DNAH17: variants seen among roughly 807,000 people sequenced by gnomAD.
The protein encoded by DNAH17 is axonemal beta dynein heavy chain 17.
DNAH17 carries 376 observed loss-of-function variants against 485.6 expected under a neutral mutation model. That is an observed-to-expected ratio of 0.77 (90% CI 0.71 to 0.84). The LOEUF is 0.84. Ranked by LOEUF, DNAH17 falls within the 40% of genes least tolerant of loss-of-function variation. The probability of loss-of-function intolerance (pLI) is 0.00; values close to 1 mark genes in which losing one functional copy is unlikely to be tolerated. For missense variants in DNAH17, 6,370 were observed against 5,839.3 expected (o/e 1.09, Z -2.96); for synonymous variants, 3,031 against 2,405.9 (o/e 1.26, Z -7.60).
At chr17:78,569,797 G>A (rs1246339307) in intron 7 of DNAH17, among the ~76,000 whole-genome samples, 1 of 152,236 alleles carries the variant, frequency 6.6e-6, no homozygotes. Context: ...TGCCCTTCTG[G>A]TCCTGCAGAC....
intron 48 of DNAH17, among the ~76,000 whole-genome samples, chr17:78,484,552 C>T (rs967491553): frequency 7.4e-6 from 1 of 135,392 alleles, no homozygotes; most frequent in African/African-American, 2.7e-5. Context: ...ACAGACACCT[C>T]GGTGGAAGGG....
chr17:78,484,739 A>ACCCCCCCACCC, intron 48 of DNAH17, 129 bp downstream of exon 48: 1 of 347,798 alleles, frequency 2.9e-6, no homozygotes, highest in Non-Finnish European at 4.6e-6. Flanking sequence ...ACGTTGCAGC[A>ACCCCCCCACCC]CCCCCCCCAC....
chr17:78,522,735 G>T, intron 25 of DNAH17: 1 of 209,818 alleles, frequency 4.8e-6, no homozygotes, highest in Non-Finnish European at 1.0e-5. Flanking sequence ...CAAAAGAAAG[G>T]ACCAGGCAAA....
chr17:78,562,026 CT>C, intron 11 of DNAH17, 46 bp from the exon 12 acceptor site: 1 of 1,514,514 alleles, frequency 6.6e-7, no homozygotes, highest in East Asian at 2.3e-5. Flanking sequence ...GTCTCCTCCC[CT>C]TCCCCAGCCT....
At chr17:78,495,170 C>CACCT (rs1400336626) in intron 38 of DNAH17, 73 bp from the exon 39 acceptor site, 6 of 1,484,894 alleles carry the variant, frequency 4.0e-6, no homozygotes, top group Non-Finnish European at 4.5e-6. Context: ...TGTCCCTCTT[C>CACCT]ACCTAGGAGA....
At chr17:78,427,424 C>T (rs779566998) in intron 77 of DNAH17, among the ~76,000 whole-genome samples, 10 of 152,194 alleles carry the variant, frequency 6.6e-5, no homozygotes, top group Non-Finnish European at 1.2e-4. Context: ...ATGTAGCCAG[C>T]GGTTGAGGGA....
chr17:78,532,827 C>G (rs2091277741), intron 19 of DNAH17, 91 bp from the exon 20 acceptor site: 1 of 1,397,482 alleles, frequency 7.2e-7, no homozygotes, highest in Non-Finnish European at 9.5e-7. Context: ...AAGTGGTTCT[C>G]TGTTGGCGAA....
At chr17:78,451,963 G>A (rs529232251) in intron 65 of DNAH17, among the ~76,000 whole-genome samples, 177 of 151,972 alleles carry the variant, frequency 1.2e-3, no homozygotes, top group Non-Finnish European at 9.9e-4. Flanking sequence ...AGCCCTGACC[G>A]AAACCTTCTG....
At chr17:78,564,294 C>A (rs1360366999) in intron 11 of DNAH17, among the ~76,000 whole-genome samples, 1 of 152,184 alleles carries the variant, frequency 6.6e-6, no homozygotes, top group Admixed American at 6.5e-5. Flanking sequence ...ATGCAGGTGG[C>A]ACAATCTCCA....
chr17:78,444,499 AG>A, intron 71 of DNAH17, 104 bp downstream of exon 71: 1 of 1,131,334 alleles, frequency 8.8e-7, no homozygotes, highest in Non-Finnish European at 1.2e-6. Context: ...AAAAAAGTTC[AG>A]GGGATCAACT....
intron 56 of DNAH17, among the ~76,000 whole-genome samples, chr17:78,464,007 G>C (rs918501350): frequency 6.6e-6 from 1 of 152,184 alleles, no homozygotes; most frequent in South Asian, 2.1e-4. Context: ...TCTCATAAAT[G>C]AATGCTCTAA....
At chr17:78,483,179 G>A (rs1175466718) in intron 48 of DNAH17, among the ~76,000 whole-genome samples, 1 of 152,216 alleles carries the variant, frequency 6.6e-6, no homozygotes, top group Non-Finnish European at 1.5e-5. Context: ...CCTCCTCAGA[G>A]TGGCAGCTTT....
chr17:78,576,138 A>G (rs1477657177), intron 1 of DNAH17, among the ~76,000 whole-genome samples: 1 of 152,200 alleles, frequency 6.6e-6, no homozygotes, highest in Non-Finnish European at 1.5e-5. Flanking sequence ...GGGTGGACAG[A>G]TGACGTTGGA....
intron 17 of DNAH17, among the ~76,000 whole-genome samples, chr17:78,541,767 A>C (rs4969199): frequency 0.77 from 116,554 of 152,018 alleles, 44,754 homozygotes; most frequent in African/African-American, 0.79. Flanking sequence ...CTGAAACTTT[A>C]CTAACCCTAA....
chr17:78,472,794 A>C, intron 54 of DNAH17: 1 of 452,148 alleles, frequency 2.2e-6, no homozygotes, highest in Non-Finnish European at 4.5e-6. Flanking sequence ...GCCCACTTTC[A>C]GCCTTTGTGG....
Position 78,516,686 on chromosome 17 carries a change from T to C in DNAH17, c.3865-1664A>G, listed in dbSNP as rs1188821728. Among the ~76,000 whole-genome samples, 20 of 103,496 alleles carry C rather than the reference T, an allele frequency of 1.9e-4. No individual in the cohort carries two copies. In the East Asian group the frequency reaches 5.0e-3, roughly 26 times the overall value. 67.9% of individuals were successfully genotyped at this position (103,496 alleles called of 152,430 possible). Reference sequence around the variant, plus strand: ...GCCTGGGCCACAGAGCAAGACTCCATCTCAGAAAAAAAAAAAAAAAAAAAA... The same window carrying C: ...GCCTGGGCCACAGAGCAAGACTCCACCTCAGAAAAAAAAAAAAAAAAAAAA... On this transcript the variant is annotated intron_variant, in intron 25 of 80. Coordinates refer to ENST00000389840, the MANE Select transcript of DNAH17 (RefSeq NM_173628.4).
chr17:78,463,193 TCA>T, intron 56 of DNAH17, 116 bp from the exon 57 acceptor site: 1 of 877,224 alleles, frequency 1.1e-6, no homozygotes, highest in Non-Finnish European at 1.8e-6. Context: ...GCTCTCAACC[TCA>T]GTGTCTTCAA....
At position 78,531,539 on chromosome 17, in the gene DNAH17, C is replaced by T. The variant is rs185148716; in HGVS notation, c.3114+943G>A. On this transcript the variant is annotated intron_variant, in intron 20 of 80. Coordinates refer to ENST00000389840, the MANE Select transcript of DNAH17 (RefSeq NM_173628.4). ...ATTTTCAGTACAGATGGGGTTTCAC[C>T]GTGTTAGCCAGGATGGTCTCGATCT... Among the ~76,000 whole-genome samples, 136 of 152,022 alleles carry T rather than the reference C, an allele frequency of 8.9e-4. 1 individual carries two copies. The highest frequency in any genetic ancestry group is 3.1e-3 in the African/African-American group (127 of 41,458).
chr17:78,486,465 T>C lies in DNAH17; in HGVS notation c.6860A>G (p.Glu2287Gly). ...AAAGAGGATCATCAGGTTGGCCTTC[T>C]CCGACTGCACCTTGCGCCTCTCGAT... ...SWIERRKVQS[E>G]KANLMILFDK... The change falls in exon 45 of 81, where the codon GAG (glutamate) becomes GGG (glycine). Residue 2287 changes from glutamate to glycine, a missense_variant. Coordinates refer to ENST00000389840, the MANE Select transcript of DNAH17 (RefSeq NM_173628.4). 1.2e-6 allele frequency: 2 copies of C among 1,613,190 alleles called. No individual in the cohort carries two copies. Among genetic ancestry groups the C allele is most frequent in the Non-Finnish European group, 8.5e-7 (1 of 1,179,728 alleles).
Sources: allele counts gnomAD v4.1 joint callset (sites outside exome capture counted in the v4.1 genomes callset), GRCh38; gene constraint gnomAD v4.1.1; transcripts MANE v1.5; gene names NCBI Gene and HGNC (gene_info 2026-07-23, HGNC 2026-07-21).